SETD9: variants seen among roughly 807,000 people sequenced by gnomAD.
SETD9 encodes SET domain-containing protein 9.
In SETD9, 37 loss-of-function variants were observed where a neutral mutation model predicts 36.4. That is an observed-to-expected ratio of 1.02 (90% confidence interval 0.78 to 1.34). The LOEUF is 1.34. Ranked by LOEUF, SETD9 falls within the 40% of genes most tolerant of loss-of-function variation. The pLI, the probability that SETD9 is intolerant of heterozygous loss-of-function variation, is 0.00. For synonymous variants in SETD9, 128 were observed against 132.9 expected (o/e 0.96, Z 0.26); for missense variants, 323 against 353.2 (o/e 0.91, Z 0.69).
At chr5:56,910,898 TC>T (rs1749083681) in intron 1 of SETD9, 1 of 232,720 alleles carries the variant, frequency 4.3e-6, no homozygotes, top group African/African-American at 2.3e-5. Context: ...AATTTTGCTT[TC>T]CTTGTCTGCA....
chr5:56,928,634 G>A, downstream of SETD9: 1 of 596,092 alleles, frequency 1.7e-6, no homozygotes, highest in Non-Finnish European at 2.9e-6. Flanking sequence ...AATTAGTCAT[G>A]TTAGAATGAT....
chr5:56,910,060 G>C (rs1487843103), intron 1 of SETD9: 1 of 1,284,256 alleles, frequency 7.8e-7, no homozygotes, highest in Non-Finnish European at 9.9e-7. Context: ...TGCCGGGCCC[G>C]CGAGGCCGAG....
At chr5:56,923,448 G>A (rs375294893) in intron 5 of SETD9, 3 of 1,614,162 alleles carry the variant, frequency 1.9e-6, no homozygotes, top group East Asian at 2.2e-5. Flanking sequence ...CCATTGCTGG[G>A]CAGGGTGAGT....
downstream of SETD9, chr5:56,921,835 TG>T (rs1235118629): frequency 6.6e-6 from 1 of 152,670 alleles, no homozygotes; most frequent in East Asian, 1.9e-4. Flanking sequence ...ATCCTAATAC[TG>T]TATTACATAT....
At position 56,911,202 on chromosome 5, in the gene SETD9, C is replaced by A; in HGVS notation, c.132C>A (p.Asp44Glu). The A allele has an allele frequency of 6.4e-7, 1 of 1,571,156 alleles. No individual in the cohort carries two copies. The highest frequency in any genetic ancestry group is 1.2e-5 in the South Asian group (1 of 82,698). ...GATATGTTCCAGAGGAATCCAAAGA[C>A]AAAGTTATCTCAGATGAAGATGTCC... ...TLRYVPEESK[D>E]KVISDEDVLG... The change falls in exon 2 of 6, where the codon GAC becomes GAA. Residue 44 changes from aspartate (D) to glutamate (E), a missense_variant. Coordinates refer to ENST00000285947, the MANE Select transcript of SETD9 (RefSeq NM_153706.4).
chr5:56,926,017 G>T (rs117252139), downstream of SETD9, among the ~76,000 whole-genome samples: 138 of 152,036 alleles, frequency 9.1e-4, 2 homozygotes, highest in East Asian at 0.022. Flanking sequence ...TTCCACAAAT[G>T]ATGCTAGTAC....
intron 1 of SETD9, chr5:56,910,473 C>A: frequency 1.7e-6 from 2 of 1,165,614 alleles, no homozygotes; most frequent in African/African-American, 3.3e-5. Context: ...GACCGGGCCT[C>A]CCTGAAGTCA....
At chr5:56,925,615 AAC>A (rs1749932062), downstream of SETD9, 3 of 196,808 alleles carry the variant, frequency 1.5e-5, no homozygotes, top group African/African-American at 7.1e-5. Flanking sequence ...AGAAGAACTT[AAC>A]GAAGAAATAT....
intron 5 of SETD9, chr5:56,924,098 A>G (rs999574915): frequency 6.4e-7 from 1 of 1,572,268 alleles, no homozygotes; most frequent in African/African-American, 1.4e-5. Flanking sequence ...TTTTTTAAGC[A>G]ACTTTTCTTT....
downstream of SETD9, among the ~76,000 whole-genome samples, chr5:56,918,465 G>A (rs959245523): frequency 6.6e-6 from 1 of 152,148 alleles, no homozygotes; most frequent in Non-Finnish European, 1.5e-5. Context: ...GCGTACCATA[G>A]ATGGAAATTA....
In SETD9 at chr5:56,916,861, G is replaced by A. The variant is rs1443635151; in HGVS notation, c.859G>A (p.Gly287Arg). 2.5e-6 allele frequency: 4 copies of A among 1,607,338 alleles called. No homozygotes were observed. The Admixed American group carries it at 6.8e-5, about 27-fold the overall frequency. The change falls in exon 6 of 6, where the codon GGA (glycine) becomes AGA (arginine). Residue 287 changes from glycine (G) to arginine (R), a missense_variant. Coordinates refer to ENST00000285947, the MANE Select transcript of SETD9 (RefSeq NM_153706.4). ...VLVALRDINQGEELFSNYYTI... is the reference protein window; with the variant it reads ...VLVALRDINQREELFSNYYTI... Reference sequence around the variant, plus strand: ...TGTCGCACTTAGGGACATCAATCAAGGAGAAGAGCTTTTTTCAAACTACTA... The same window carrying A: ...TGTCGCACTTAGGGACATCAATCAAAGAGAAGAGCTTTTTTCAAACTACTA...
chr5:56,928,019 T>A (rs969902836), downstream of SETD9: 4 of 152,168 alleles, frequency 2.6e-5, no homozygotes, highest in East Asian at 7.7e-4. Context: ...GCATTTAGGA[T>A]TTCACATGTC....
downstream of SETD9, chr5:56,920,447 AG>A (rs1000780506): frequency 6.6e-6 from 1 of 152,546 alleles, no homozygotes; most frequent in African/African-American, 2.4e-5. Context: ...AATGGGGCAA[AG>A]GAAAAAAAAA....
downstream of SETD9, among the ~76,000 whole-genome samples, chr5:56,925,943 A>G (rs1749954232): frequency 6.6e-6 from 1 of 152,094 alleles, no homozygotes. Flanking sequence ...AATACACCCC[A>G]CGGGTACAGT....
chr5:56,923,605 TGTTTAAGTAAGTG>T, intron 5 of SETD9: 1 of 1,611,346 alleles, frequency 6.2e-7, no homozygotes, highest in Non-Finnish European at 8.5e-7. Flanking sequence ...AATGGAAAAT[TGTTTAAGTAAGTG>T]GTCCTATGAC....
intron 1 of SETD9, chr5:56,910,463 G>T (rs1417845853): frequency 8.4e-7 from 1 of 1,196,624 alleles, no homozygotes. Context: ...CAAAGAGGCC[G>T]ACCGGGCCTC....
At chr5:56,911,022 C>A in intron 1 of SETD9, 147 bp from the exon 2 acceptor site, 1 of 899,364 alleles carries the variant, frequency 1.1e-6, no homozygotes, top group Non-Finnish European at 1.6e-6. Context: ...CTCCCTCAAA[C>A]AATTCTTTTC....
intron 5 of SETD9, among the ~76,000 whole-genome samples, chr5:56,916,391 C>CA (rs1027333169): frequency 1.6e-4 from 24 of 151,214 alleles, no homozygotes; most frequent in East Asian, 1.6e-3. Flanking sequence ...GATTCCATCT[C>CA]AAAAAAAACA....
At chr5:56,909,360 C>A (rs1352015292), upstream of SETD9, 4 of 337,908 alleles carry the variant, frequency 1.2e-5, no homozygotes, top group East Asian at 1.7e-4. Flanking sequence ...GCAACCAGGG[C>A]TAGCGCTTGT....
Sources: allele counts gnomAD v4.1 joint callset (sites outside exome capture counted in the v4.1 genomes callset), GRCh38; gene constraint gnomAD v4.1.1; transcripts MANE v1.5; gene names NCBI Gene and HGNC (gene_info 2026-07-23, HGNC 2026-07-21).